Variants in CABCOCO1 observed in about 807,000 individuals in gnomAD.
CABCOCO1 encodes ciliary associated calcium binding coiled-coil 1.
Under a neutral mutation model 35.7 loss-of-function variants are expected in CABCOCO1, and 28 were observed. The observed-to-expected ratio is 0.78, with a 90% CI of 0.58 to 1.07. CABCOCO1 has a LOEUF of 1.07. Ranked by LOEUF, CABCOCO1 falls within the 50% of genes least tolerant of loss-of-function variation. The pLI, the probability that CABCOCO1 is intolerant of heterozygous loss-of-function variation, is 0.00. For synonymous variants in CABCOCO1, 95 were observed against 100.1 expected, an observed-to-expected ratio of 0.95 and a Z score of 0.30; for missense variants, 326 against 309.2, an observed-to-expected ratio of 1.05 and a Z score of -0.41.
chr10:61,733,287 A>AT (rs1554825214), intron 5 of CABCOCO1, among the ~76,000 whole-genome samples: 2 of 151,930 alleles, frequency 1.3e-5, no homozygotes, highest in East Asian at 1.9e-4. Flanking sequence ...GCATCCTGCC[A>AT]TTTTTTGCTG....
At chr10:61,751,778 C>T (rs1050153307) in intron 5 of CABCOCO1, among the ~76,000 whole-genome samples, 10 of 152,126 alleles carry the variant, frequency 6.6e-5, no homozygotes, top group African/African-American at 2.2e-4. Flanking sequence ...GTCCAACTCC[C>T]TAATTTTACA....
intron 5 of CABCOCO1, among the ~76,000 whole-genome samples, chr10:61,736,335 T>A (rs1841415420): frequency 6.6e-6 from 1 of 152,038 alleles, no homozygotes; most frequent in Non-Finnish European, 1.5e-5. Flanking sequence ...TAAGAAAGGG[T>A]TCCAGCCTCA....
chr10:61,696,402 A>G (rs1589127564), intron 5 of CABCOCO1, among the ~76,000 whole-genome samples: 1 of 152,268 alleles, frequency 6.6e-6, no homozygotes, highest in Non-Finnish European at 1.5e-5. Context: ...GGAATTGGCC[A>G]TATACATTTT....
rs570700504 is a variant in CABCOCO1 at position 61,697,948 on chromosome 10, TA to T, written c.552+7332del. On this transcript the variant is annotated intron_variant, in intron 5 of 7. Coordinates refer to ENST00000648843, the MANE Select transcript of CABCOCO1 (RefSeq NM_001366906.2). ...GTTTACTAAAAAGTCATTTATAGAG[TA>T]AAAATCTAGTGTGGTGCTATAACAT... Among the ~76,000 whole-genome samples, 4 of 152,180 alleles carry T rather than the reference TA, an allele frequency of 2.6e-5. No individual in the cohort carries two copies. In the South Asian group the frequency reaches 8.3e-4, roughly 32 times the overall value.
At chr10:61,707,412 C>A (rs968928660) in intron 5 of CABCOCO1, among the ~76,000 whole-genome samples, 1 of 152,112 alleles carries the variant, frequency 6.6e-6, no homozygotes, top group African/African-American at 2.4e-5. Flanking sequence ...AGAAAGGATT[C>A]TGATAGTTCA....
chr10:61,711,502 C>A (rs1840733274), intron 5 of CABCOCO1, among the ~76,000 whole-genome samples: 1 of 151,810 alleles, frequency 6.6e-6, no homozygotes. Flanking sequence ...GGCCAATAGA[C>A]CTGCAAGGAA....
intron 5 of CABCOCO1, 49 bp from the exon 6 acceptor site, chr10:61,760,010 G>C (rs374367643): frequency 1.2e-6 from 2 of 1,607,350 alleles, no homozygotes; most frequent in South Asian, 2.2e-5. Flanking sequence ...CGAAACTGTG[G>C]TTGCTCACCA....
chr10:61,669,033 A>AAAAAAAAAAAAAAAAAG (rs398013742), intron 1 of CABCOCO1, among the ~76,000 whole-genome samples: 2 of 150,256 alleles, frequency 1.3e-5, no homozygotes, highest in East Asian at 3.9e-4. Flanking sequence ...AAAAAAAAAA[A>AAAAAAAAAAAAAAAAAG]CACCTTCCAA....
intron 5 of CABCOCO1, among the ~76,000 whole-genome samples, chr10:61,744,253 T>C (rs975028353): frequency 6.6e-6 from 1 of 152,168 alleles, no homozygotes; most frequent in Non-Finnish European, 1.5e-5. Flanking sequence ...AAACAAGTGA[T>C]TGGAAATAAA....
chr10:61,731,496 A>G (rs557924800), intron 5 of CABCOCO1, among the ~76,000 whole-genome samples: 1 of 151,954 alleles, frequency 6.6e-6, no homozygotes, highest in African/African-American at 2.4e-5. Flanking sequence ...AGTTTTCAGT[A>G]TTTACCAAAT....
At chr10:61,763,909 G>A (rs1842057745) in intron 7 of CABCOCO1, among the ~76,000 whole-genome samples, 1 of 152,126 alleles carries the variant, frequency 6.6e-6, no homozygotes, top group African/African-American at 2.4e-5. Context: ...TTGACTAGAC[G>A]TGGAGCCTTT....
intron 5 of CABCOCO1, among the ~76,000 whole-genome samples, chr10:61,749,722 A>G (rs1171869207): frequency 7.9e-5 from 12 of 152,130 alleles, no homozygotes. Context: ...TTCCCCCTAA[A>G]GTTAGGTGCG....
rs79824006 is a variant in CABCOCO1 at position 61,763,881 on chromosome 10, G to A, written c.817-2058G>A. Reference sequence around the variant, plus strand: ...TTCTGAAGAATGACAAGGAAACACGGCTAATGACAGCCTGTTATTGACTAG... The same window carrying A: ...TTCTGAAGAATGACAAGGAAACACGACTAATGACAGCCTGTTATTGACTAG... On this transcript the variant is annotated intron_variant, in intron 7 of 7. Coordinates refer to ENST00000648843, the MANE Select transcript of CABCOCO1 (RefSeq NM_001366906.2). 5.1e-3 allele frequency among the ~76,000 whole-genome samples: 775 copies of A among 152,072 alleles called. 4 individuals are homozygous for A. The highest frequency in any genetic ancestry group is 0.017 in the African/African-American group (712 of 41,494).
chr10:61,763,061 T>C (rs1248895998), intron 7 of CABCOCO1, among the ~76,000 whole-genome samples: 1 of 152,100 alleles, frequency 6.6e-6, no homozygotes, highest in African/African-American at 2.4e-5. Context: ...GTATATATGC[T>C]ATTTGAACAC....
chr10:61,695,295 CA>C lies in CABCOCO1; in HGVS notation c.552+4686del, dbSNP rs573234486. 3.1e-3 allele frequency among the ~76,000 whole-genome samples: 440 copies of C among 139,886 alleles called. 4 individuals carry two copies. Among genetic ancestry groups the C allele is most frequent in the African/African-American group, 7.4e-3 (272 of 36,536 alleles). 91.8% of individuals were successfully genotyped at this position (139,886 alleles called of 152,430 possible). A position where few individuals can be genotyped will look rare whatever the true frequency, so the allele number is the denominator to read the frequency against. ...AAAATTGATAAAGTGGAAGATAAAT[CA>C]AAAAAAAAAAATCTAAAATAAAGCA... On this transcript the variant is annotated intron_variant, in intron 5 of 7. Coordinates refer to ENST00000648843, the MANE Select transcript of CABCOCO1 (RefSeq NM_001366906.2).
At chr10:61,733,904 G>T (rs1469022439) in intron 5 of CABCOCO1, among the ~76,000 whole-genome samples, 1 of 151,934 alleles carries the variant, frequency 6.6e-6, no homozygotes, top group Non-Finnish European at 1.5e-5. Context: ...AATAAAAAGA[G>T]TTTTCTTGTT....
intron 5 of CABCOCO1, among the ~76,000 whole-genome samples, chr10:61,747,592 G>T (rs544460790): frequency 2.0e-5 from 3 of 152,232 alleles, no homozygotes; most frequent in African/African-American, 7.2e-5. Flanking sequence ...TTTATTATTT[G>T]AATGCTTTTA....
chr10:61,691,911 G>A (rs1185104197), intron 5 of CABCOCO1, among the ~76,000 whole-genome samples: 1 of 152,058 alleles, frequency 6.6e-6, no homozygotes, highest in South Asian at 2.1e-4. Flanking sequence ...CATTTGGGTT[G>A]GTTTCAAGTC....
chr10:61,715,715 C>G (rs1488859059), intron 5 of CABCOCO1, among the ~76,000 whole-genome samples: 1 of 152,130 alleles, frequency 6.6e-6, no homozygotes, highest in Non-Finnish European at 1.5e-5. Flanking sequence ...CTAGTGGTGA[C>G]AAAATCTCAG....
Sources: gnomAD v4.1 joint callset for allele counts (sites outside exome capture counted in the v4.1 genomes callset) on GRCh38, gnomAD v4.1.1 for gene constraint, MANE v1.5 for transcripts, NCBI Gene and HGNC (gene_info 2026-07-23, HGNC 2026-07-21) for gene names.